The following CSAG1 variants were observed in gnomAD, a reference collection of about 807,000 sequenced individuals.
CSAG1 encodes the protein chondrosarcoma associated gene 1.
In CSAG1, 4 loss-of-function variants were observed where a neutral mutation model predicts 4.8. That is an observed-to-expected ratio of 0.83 (90% CI 0.41 to 1.90). The LOEUF is 1.90. CSAG1 is among the 40% of genes most tolerant of loss of function. The pLI is 0.03. For missense variants in CSAG1, 69 were observed against 59.5 expected, an observed-to-expected ratio of 1.16 and a Z score of -0.53; for synonymous variants, 21 against 23.1, an observed-to-expected ratio of 0.91 and a Z score of 0.26.
rs781989854 is a variant in CSAG1 at position 152,728,150 on chromosome X, T to C, written c.91A>G (p.Thr31Ala). The change falls in exon 3 of 4, where the codon ACT becomes GCT. Residue 31 changes from threonine (T) to alanine (A), a missense_variant. Coordinates refer to ENST00000452779, the MANE Select transcript of CSAG1 (RefSeq NM_001102576.3). ...TTCCTGGACATCTTCACCAGACCAG[T>C]GTCTCTGTACAGTCTACTCCAGTCC... ...QVDWSRLYRD[T>A]GLVKMSRKPR... 3.0e-5 allele frequency: 36 copies of C among 1,209,113 alleles called. No homozygotes were observed. The Admixed American group carries it at 4.2e-4, about 14-fold the overall frequency.
At chrX:152,731,065 A>G (rs1475631716) in intron 2 of CSAG1, among the ~76,000 whole-genome samples, 1 of 112,414 alleles carries the variant, frequency 8.9e-6, no homozygotes, top group African/African-American at 3.2e-5. Flanking sequence ...AATGCATGTT[A>G]AATTGTTTAG....
chrX:152,732,073 A>C (rs1932168163), intron 2 of CSAG1, among the ~76,000 whole-genome samples: 1 of 112,395 alleles, frequency 8.9e-6, no homozygotes, highest in Admixed American at 9.4e-5. Context: ...GTTTAGTGAT[A>C]ATACCATTAT....
At chrX:152,729,804 A>G (rs1250610860) in intron 2 of CSAG1, among the ~76,000 whole-genome samples, 1 of 110,220 alleles carries the variant, frequency 9.1e-6, no homozygotes, top group Non-Finnish European at 1.9e-5. Flanking sequence ...TTGGAAGACA[A>G]TTTGGCGTTT....
At chrX:152,730,705 T>C (rs1461899751) in intron 2 of CSAG1, among the ~76,000 whole-genome samples, 3 of 112,364 alleles carry the variant, frequency 2.7e-5, no homozygotes, top group African/African-American at 9.7e-5. Flanking sequence ...ACTAAGACAA[T>C]GGCAAGAGGC....
At position 152,727,672 on chromosome X, in the gene CSAG1, G is replaced by T; in HGVS notation, c.*122C>A. 1 of 880,477 alleles carries T rather than the reference G, an allele frequency of 1.1e-6. No homozygotes were observed. The highest frequency in any genetic ancestry group is 1.7e-6 in the Non-Finnish European group (1 of 597,535). 72.6% of individuals were successfully genotyped at this position (880,477 alleles called of 1,213,427 possible). A position where few individuals can be genotyped will look rare whatever the true frequency, so the allele number is the denominator to read the frequency against. On this transcript the variant is annotated 3_prime_UTR_variant, in exon 4 of 4. Transcript: ENST00000452779. ...CAAGGAAGCACTGGAGAAGGCGGTG[G>T]TCTCCTTGCCCTTGTGGTCCTGCTA...
intron 1 of CSAG1, among the ~76,000 whole-genome samples, chrX:152,732,739 T>C (rs1932188593): frequency 2.7e-5 from 3 of 112,122 alleles, no homozygotes; most frequent in African/African-American, 9.7e-5. Flanking sequence ...AAATTTCCAC[T>C]TCACTTCATT....
At chrX:152,731,383 AC>A (rs782615147) in intron 2 of CSAG1, among the ~76,000 whole-genome samples, 27 of 112,594 alleles carry the variant, frequency 2.4e-4, no homozygotes, top group African/African-American at 8.4e-4. Context: ...CTTTAATTAA[AC>A]TATACAAACT....
At position 152,728,650 on chromosome X, in the gene CSAG1, A is replaced by T. The variant is rs1556831056; in HGVS notation, c.17-426T>A. The stretch of plus-strand genomic sequence containing the variant: ...AAAATGTCATTGACTGAGTAGCTGG[A>T]ACAACAGAAATTTATCTTTTTTCAC... On this transcript the variant is annotated intron_variant, in intron 2 of 3. Transcript: ENST00000452779. Among the ~76,000 whole-genome samples, 220 of 112,340 alleles carry T rather than the reference A, an allele frequency of 2.0e-3. 1 individual carries two copies. Among genetic ancestry groups the T allele is most frequent in the Non-Finnish European group, 2.1e-3 (113 of 53,274 alleles).
chrX:152,728,664 A>G, intron 2 of CSAG1, among the ~76,000 whole-genome samples: 1 of 112,461 alleles, frequency 8.9e-6, no homozygotes, highest in East Asian at 2.8e-4. Flanking sequence ...ACAGAAATTT[A>G]TCTTTTTTCA....
chrX:152,731,236 G>C (rs1321484662), intron 2 of CSAG1, among the ~76,000 whole-genome samples: 4 of 111,803 alleles, frequency 3.6e-5, no homozygotes, highest in Non-Finnish European at 5.6e-5. Flanking sequence ...CTGTTATTCT[G>C]TATGTGTGAA....
intron 2 of CSAG1, 39 bp downstream of exon 2, chrX:152,732,406 G>A (rs1556227941): frequency 8.4e-7 from 1 of 1,193,652 alleles, no homozygotes; most frequent in Admixed American, 2.3e-5. Flanking sequence ...GTGTAAAAAT[G>A]TAAACTCAGC....
intron 2 of CSAG1, among the ~76,000 whole-genome samples, chrX:152,731,943 C>A (rs782066954): frequency 2.7e-5 from 3 of 112,296 alleles, no homozygotes; most frequent in East Asian, 2.8e-4. Flanking sequence ...ACTATCATTC[C>A]AGTCAGGAAC....
At chrX:152,731,336 CA>C (rs1556228326) in intron 2 of CSAG1, among the ~76,000 whole-genome samples, 1 of 112,236 alleles carries the variant, frequency 8.9e-6, no homozygotes, top group Non-Finnish European at 1.9e-5. Flanking sequence ...AAATAAAATA[CA>C]TCAGTAACCA....
In CSAG1 at chrX:152,727,880, G is replaced by A. The variant is rs1376082907; in HGVS notation, c.168-17C>T. The A allele has an allele frequency of 3.3e-6, 4 of 1,204,606 alleles. No individual in the cohort carries two copies. The highest frequency in any genetic ancestry group is 4.5e-6 in the Non-Finnish European group (4 of 889,170). ...CTTGGGAACCTGGAAAGCCAACAGGGAGATCACAGGAGGGCACTGGTTTGG... is the reference window on the plus strand; with the variant it reads ...CTTGGGAACCTGGAAAGCCAACAGGAAGATCACAGGAGGGCACTGGTTTGG... On this transcript the variant is annotated splice_polypyrimidine_tract_variant and intron_variant, in intron 3 of 3. Transcript: ENST00000452779.
In CSAG1 at chrX:152,727,702, G is replaced by C. The variant is rs1556830490; in HGVS notation, c.*92C>G. ...CTTGCCCTTGTGGTCCTGCTATGGCGCATTTTGATTGAGTTCCTCGTTCGG... is the reference window on the plus strand; with the variant it reads ...CTTGCCCTTGTGGTCCTGCTATGGCCCATTTTGATTGAGTTCCTCGTTCGG... On this transcript the variant is annotated 3_prime_UTR_variant, in exon 4 of 4. Coordinates refer to ENST00000452779, the MANE Select transcript of CSAG1 (RefSeq NM_001102576.3). 8.4e-6 allele frequency: 9 copies of C among 1,067,261 alleles called. No individual in the cohort carries two copies. In the South Asian group the frequency reaches 1.5e-4, roughly 18 times the overall value. 88.0% of individuals were successfully genotyped at this position (1,067,261 alleles called of 1,213,427 possible).
chrX:152,730,009 T>TATATATATATAC (rs1220407757), intron 2 of CSAG1, among the ~76,000 whole-genome samples: 1 of 55,001 alleles, frequency 1.8e-5, no homozygotes, highest in African/African-American at 5.8e-5. Context: ...TATATATATA[T>TATATATATATAC]ACACACATAC....
At chrX:152,730,060 A>T (rs1387875368) in intron 2 of CSAG1, among the ~76,000 whole-genome samples, 17 of 101,906 alleles carry the variant, frequency 1.7e-4, no homozygotes, top group African/African-American at 5.7e-4. Flanking sequence ...CAATGATACT[A>T]CTACTCCTCA....
intron 2 of CSAG1, among the ~76,000 whole-genome samples, chrX:152,731,446 G>A (rs1222964554): frequency 1.9e-4 from 21 of 112,014 alleles, no homozygotes; most frequent in Non-Finnish European, 3.8e-5. Context: ...TCCAGGTTAG[G>A]CAGTTTTGGA....
chrX:152,730,298 A>T (rs1161369959), intron 2 of CSAG1, among the ~76,000 whole-genome samples: 2 of 111,816 alleles, frequency 1.8e-5, no homozygotes, highest in Non-Finnish European at 3.8e-5. Flanking sequence ...TTATCAGGGC[A>T]GTGAAACTAG....
Sources: gnomAD v4.1 joint callset for allele counts (sites outside exome capture counted in the v4.1 genomes callset) on GRCh38, gnomAD v4.1.1 for gene constraint, MANE v1.5 for transcripts, NCBI Gene and HGNC (gene_info 2026-07-23, HGNC 2026-07-21) for gene names.